ASCC1: variants seen among roughly 807,000 people sequenced by gnomAD.
The protein encoded by ASCC1 is ASC-1 complex subunit P50.
ASCC1 carries 35 observed loss-of-function variants against 46.6 expected under a neutral mutation model. That is an observed-to-expected ratio of 0.75 (90% confidence interval 0.57 to 0.99). ASCC1 has a LOEUF of 0.99. Among genes scored for constraint, ASCC1 ranks in the 50% least tolerant of loss-of-function variants. The probability of loss-of-function intolerance (pLI) is 0.00; values close to 1 mark genes in which losing one functional copy is unlikely to be tolerated. For synonymous variants in ASCC1, 143 were observed against 146.6 expected (o/e 0.98, Z 0.18); for missense variants, 376 against 428.7 (o/e 0.88, Z 1.09).
At chr10:72,165,987 T>G (rs927918503) in intron 5 of ASCC1, among the ~76,000 whole-genome samples, 2 of 152,204 alleles carry the variant, frequency 1.3e-5, no homozygotes, top group African/African-American at 4.8e-5. Context: ...AGAAGCACTA[T>G]TATCATCCAT....
At chr10:72,163,381 T>C (rs1849939763) in intron 5 of ASCC1, among the ~76,000 whole-genome samples, 1 of 152,118 alleles carries the variant, frequency 6.6e-6, no homozygotes, top group Non-Finnish European at 1.5e-5. Flanking sequence ...TATCAACAGA[T>C]GAATGGATAA....
At chr10:72,112,407 C>T (rs1033709166) in intron 9 of ASCC1, among the ~76,000 whole-genome samples, 6 of 151,572 alleles carry the variant, frequency 4.0e-5, no homozygotes, top group African/African-American at 7.3e-5. Context: ...GTGGTGGTTA[C>T]CAAGGAGAAG....
chr10:72,173,767 C>T (rs1247830053), intron 5 of ASCC1, among the ~76,000 whole-genome samples: 1 of 152,184 alleles, frequency 6.6e-6, no homozygotes, highest in Non-Finnish European at 1.5e-5. Context: ...CATCATATTC[C>T]TGCCCCAAGC....
intron 5 of ASCC1, among the ~76,000 whole-genome samples, chr10:72,177,263 TG>T (rs1461205111): frequency 6.6e-6 from 1 of 152,132 alleles, no homozygotes; most frequent in East Asian, 1.9e-4. Flanking sequence ...AATCAGAACT[TG>T]GGGCTTTTTA....
chr10:72,109,103 G>A (rs1207903490), intron 9 of ASCC1, among the ~76,000 whole-genome samples: 1 of 152,184 alleles, frequency 6.6e-6, no homozygotes, highest in Admixed American at 6.5e-5. Flanking sequence ...TAATATTATA[G>A]TAGCTAATAA....
At chr10:72,139,403 C>T (rs111638361) in intron 7 of ASCC1, among the ~76,000 whole-genome samples, 4 of 152,118 alleles carry the variant, frequency 2.6e-5, no homozygotes, top group Admixed American at 6.5e-5. Context: ...GTGTGAGCCA[C>T]GGCACCCAGC....
intron 5 of ASCC1, among the ~76,000 whole-genome samples, chr10:72,164,124 G>A (rs1409303504): frequency 6.6e-6 from 1 of 151,952 alleles, no homozygotes; most frequent in African/African-American, 2.4e-5. Flanking sequence ...CACCACTCCT[G>A]GCTAATTTTT....
At position 72,109,626 on chromosome 10, in the gene ASCC1, T is replaced by C. The variant is rs368901880; in HGVS notation, c.958-12176A>G. 4.4e-4 allele frequency among the ~76,000 whole-genome samples: 67 copies of C among 152,250 alleles called. No homozygotes were observed. The South Asian group carries it at 0.014, about 31-fold the overall frequency. On this transcript the variant is annotated intron_variant, in intron 9 of 9. Transcript: ENST00000672957. ...CTGAGGCTCACTGCTGATGTAAGGA[T>C]TATCAAGTTTAAGACTGCTGGTAAG...
chr10:72,213,819 C>T (rs1265822311), intron 1 of ASCC1, among the ~76,000 whole-genome samples: 1 of 149,484 alleles, frequency 6.7e-6, no homozygotes, highest in Non-Finnish European at 1.5e-5. Flanking sequence ...GCAGGCAGAT[C>T]ACAAGGTCAG....
rs1421677575 is a variant in ASCC1, at chr10:72,096,516, CAAAGT to C, written c.*813_*817del. 21 of 453,830 alleles carry C rather than the reference CAAAGT, an allele frequency of 4.6e-5. No homozygotes were observed. The highest frequency in any genetic ancestry group is 8.8e-5 in the Non-Finnish European group (20 of 226,784). 28.1% of individuals were successfully genotyped at this position (453,830 alleles called of 1,614,324 possible). ...TTTGGTAGGAAAATGATAGACCAAG[CAAAGT>C]AAAAGGCAAACAACTTTAATGGTTA... On this transcript the variant is annotated 3_prime_UTR_variant, in exon 10 of 10. Coordinates refer to ENST00000672957, the MANE Select transcript of ASCC1 (RefSeq NM_001198800.3).
intron 6 of ASCC1, among the ~76,000 whole-genome samples, chr10:72,157,712 G>A (rs746719016): frequency 1.3e-5 from 2 of 152,082 alleles, no homozygotes; most frequent in Admixed American, 6.5e-5. Context: ...ACTGAACTAT[G>A]CACTTAAAAT....
intron 9 of ASCC1, among the ~76,000 whole-genome samples, chr10:72,111,228 C>T (rs941867249): frequency 2.0e-5 from 3 of 152,184 alleles, no homozygotes; most frequent in Admixed American, 1.3e-4. Context: ...TGGCTCATGC[C>T]TGTAATCCCA....
chr10:72,149,656 T>C (rs980182411), intron 7 of ASCC1, among the ~76,000 whole-genome samples: 1 of 152,160 alleles, frequency 6.6e-6, no homozygotes, highest in Non-Finnish European at 1.5e-5. Context: ...ATTGTTTCTG[T>C]TCACAAAGTT....
intron 5 of ASCC1, among the ~76,000 whole-genome samples, chr10:72,168,458 T>G (rs1850653922): frequency 1.3e-5 from 2 of 152,162 alleles, no homozygotes; most frequent in Non-Finnish European, 2.9e-5. Context: ...CACAGGCACT[T>G]TCATACATTG....
At chr10:72,134,170 C>A (rs1845921366) in intron 7 of ASCC1, 1 of 152,200 alleles carries the variant, frequency 6.6e-6, no homozygotes, top group Non-Finnish European at 1.5e-5. Context: ...GTGGCTCACA[C>A]CTGTCATCCC....
intron 5 of ASCC1, among the ~76,000 whole-genome samples, chr10:72,192,193 C>T (rs1017567120): frequency 2.6e-5 from 4 of 151,900 alleles, no homozygotes; most frequent in Admixed American, 1.3e-4. Context: ...CAGTGGCTCA[C>T]GCCTGTAATC....
intron 6 of ASCC1, among the ~76,000 whole-genome samples, chr10:72,155,381 TC>T (rs1848831950): frequency 6.6e-6 from 1 of 152,144 alleles, no homozygotes; most frequent in Non-Finnish European, 1.5e-5. Context: ...GTAATAGAAA[TC>T]AGAACAGAGG....
At chr10:72,204,408 T>A in intron 3 of ASCC1, 2 of 1,550,356 alleles carry the variant, frequency 1.3e-6, no homozygotes. Context: ...TATTGACTCA[T>A]TTACATTACT....
At chr10:72,199,539 G>C (rs1589605515) in intron 4 of ASCC1, among the ~76,000 whole-genome samples, 1 of 151,852 alleles carries the variant, frequency 6.6e-6, no homozygotes, top group African/African-American at 2.4e-5. Flanking sequence ...TTTGTGATGT[G>C]CCCTCCTCGG....
Sources: gnomAD v4.1 joint callset for allele counts (sites outside exome capture counted in the v4.1 genomes callset) on GRCh38, gnomAD v4.1.1 for gene constraint, MANE v1.5 for transcripts, NCBI Gene and HGNC (gene_info 2026-07-23, HGNC 2026-07-21) for gene names.